XRCC4: variants seen among roughly 807,000 people sequenced by gnomAD.
XRCC4 encodes the protein X-ray repair cross complementing 4.
XRCC4 carries 28 observed loss-of-function variants against 39.1 expected under a neutral mutation model. The ratio of observed to expected loss-of-function variants is 0.72; its 90% CI spans 0.53 to 0.98. The LOEUF (loss-of-function observed/expected upper bound fraction) is 0.98, where lower values mean the gene tolerates loss of function less well. Ranked by LOEUF, XRCC4 falls within the 50% of genes least tolerant of loss-of-function variation. The probability of loss-of-function intolerance (pLI) is 0.00; values close to 1 mark genes in which losing one functional copy is unlikely to be tolerated. For synonymous variants in XRCC4, 123 were observed against 126.4 expected, an observed-to-expected ratio of 0.97 and a Z score of 0.18; for missense variants, 350 against 376.4, an observed-to-expected ratio of 0.93 and a Z score of 0.58.
At chr5:83,282,557 A>G (rs1158457934) in intron 7 of XRCC4, among the ~76,000 whole-genome samples, 4 of 152,066 alleles carry the variant, frequency 2.6e-5, no homozygotes, top group South Asian at 2.1e-4. Flanking sequence ...AAAAATAAAA[A>G]TTTGAGCCAG....
intron 1 of XRCC4, among the ~76,000 whole-genome samples, chr5:83,090,313 G>A (rs937510948): frequency 2.7e-5 from 4 of 147,154 alleles, no homozygotes; most frequent in Non-Finnish European, 6.0e-5. Flanking sequence ...TAAATCTCAC[G>A]AGATCTGATG....
intron 3 of XRCC4, among the ~76,000 whole-genome samples, chr5:83,113,589 G>A (rs1308555412): frequency 6.6e-6 from 1 of 151,924 alleles, no homozygotes; most frequent in Non-Finnish European, 1.5e-5. Context: ...TGCCCCTGCA[G>A]CAAACTTCTG....
At chr5:83,246,717 A>AT (rs1455100120) in intron 6 of XRCC4, among the ~76,000 whole-genome samples, 1 of 152,062 alleles carries the variant, frequency 6.6e-6, no homozygotes, top group Non-Finnish European at 1.5e-5. Flanking sequence ...GTCTTTTCTC[A>AT]TTTTTTTCCA....
chr5:83,321,101 T>C (rs1248831462), intron 7 of XRCC4, among the ~76,000 whole-genome samples: 1 of 152,086 alleles, frequency 6.6e-6, no homozygotes, highest in East Asian at 1.9e-4. Flanking sequence ...TAGCAAGTTA[T>C]GTACATTTCT....
chr5:83,194,028 G>A (rs538934462), intron 3 of XRCC4, among the ~76,000 whole-genome samples: 2 of 152,316 alleles, frequency 1.3e-5, no homozygotes, highest in South Asian at 4.1e-4. Flanking sequence ...GTGTCTCGCG[G>A]TTCAAGCGAT....
intron 6 of XRCC4, among the ~76,000 whole-genome samples, chr5:83,252,985 A>G (rs977606340): frequency 6.6e-6 from 1 of 152,206 alleles, no homozygotes; most frequent in Non-Finnish European, 1.5e-5. Context: ...GAAAGTAACA[A>G]TATAAGATTG....
intron 7 of XRCC4, among the ~76,000 whole-genome samples, chr5:83,336,920 AAGTTACCT>A (rs747959348): frequency 5.9e-5 from 9 of 152,206 alleles, no homozygotes; most frequent in Non-Finnish European, 1.0e-4. Context: ...TAAACAATTG[AAGTTACCT>A]CATAATGGAA....
intron 7 of XRCC4, among the ~76,000 whole-genome samples, chr5:83,302,371 CGAA>C (rs1561463556): frequency 6.6e-6 from 1 of 152,136 alleles, no homozygotes; most frequent in East Asian, 1.9e-4. Flanking sequence ...CTGCAGGTTG[CGAA>C]GAACATGGGA....
chr5:83,362,021 CT>C, the XRCC4 span, among the ~76,000 whole-genome samples: 1 of 151,994 alleles, frequency 6.6e-6, no homozygotes, highest in Non-Finnish European at 1.5e-5. Context: ...CTGCCTCTTT[CT>C]TTTGCTCATC....
chr5:83,228,222 A>G (rs1752363097), intron 6 of XRCC4, among the ~76,000 whole-genome samples: 1 of 152,082 alleles, frequency 6.6e-6, no homozygotes. Flanking sequence ...TATAAATAAC[A>G]TATAACAATC....
intron 3 of XRCC4, among the ~76,000 whole-genome samples, chr5:83,119,054 G>A (rs1285118598): frequency 1.3e-5 from 2 of 152,088 alleles, no homozygotes; most frequent in Admixed American, 6.5e-5. Context: ...TTTAATTGAC[G>A]TTTCTCAAAT....
chr5:83,145,353 A>G (rs1372182780), intron 3 of XRCC4, among the ~76,000 whole-genome samples: 1 of 152,212 alleles, frequency 6.6e-6, no homozygotes, highest in Non-Finnish European at 1.5e-5. Context: ...TAGATTTAAT[A>G]CTGAACATTG....
intron 7 of XRCC4, among the ~76,000 whole-genome samples, chr5:83,344,415 C>CTTTTTTT (rs70973394): frequency 2.8e-4 from 32 of 115,230 alleles, no homozygotes; most frequent in African/African-American, 8.4e-4. Flanking sequence ...TTATTTTTCA[C>CTTTTTTT]TTTTTTTTTT....
chr5:83,104,760 T>G, intron 1 of XRCC4, 150 bp from the exon 2 acceptor site: 1 of 572,604 alleles, frequency 1.7e-6, no homozygotes, highest in Non-Finnish European at 3.0e-6. Flanking sequence ...ATTTAATGGT[T>G]GAATCTAATG....
intron 7 of XRCC4, among the ~76,000 whole-genome samples, chr5:83,261,882 T>A (rs1580438865): frequency 6.6e-6 from 1 of 152,120 alleles, no homozygotes; most frequent in South Asian, 2.1e-4. Flanking sequence ...ATTCATTTTT[T>A]AAATTTAACT....
chr5:83,246,465 G>C lies in XRCC4; in HGVS notation c.746-12065G>C, dbSNP rs1194273566. Among the ~76,000 whole-genome samples, 4 of 152,028 alleles carry C rather than the reference G, an allele frequency of 2.6e-5. 1 individual carries two copies. Among genetic ancestry groups the C allele is most frequent in the African/African-American group, 9.7e-5 (4 of 41,440 alleles). On this transcript the variant is annotated intron_variant, in intron 6 of 7. Transcript: ENST00000396027. ...AACAAATCTGGCAACATTTTAGTCT[G>C]TTACTTTGTCCACATTTAATTAGAA...
In XRCC4 at chr5:83,123,462, G is replaced by A. The variant is rs955398652; in HGVS notation, c.315+12259G>A. 2.6e-5 allele frequency among the ~76,000 whole-genome samples: 4 copies of A among 151,674 alleles called. No individual in the cohort carries two copies. In the East Asian group the frequency reaches 7.7e-4, roughly 29 times the overall value. On this transcript the variant is annotated intron_variant, in intron 3 of 7. Transcript: ENST00000396027. ...TCTTTTAGGAAGTGTATAGTTGGGT[G>A]TTGTTTTTTTAATCCAGTCTATCAA... is the stretch of plus-strand genomic sequence containing the variant.
At chr5:83,157,786 G>A (rs1297737701) in intron 3 of XRCC4, among the ~76,000 whole-genome samples, 1 of 152,068 alleles carries the variant, frequency 6.6e-6, no homozygotes, top group Non-Finnish European at 1.5e-5. Context: ...AAGAAAATTT[G>A]ATGATCAATC....
chr5:83,081,274 C>T (rs1744928562), intron 1 of XRCC4, among the ~76,000 whole-genome samples: 1 of 152,120 alleles, frequency 6.6e-6, no homozygotes, highest in African/African-American at 2.4e-5. Context: ...TTTTACATTA[C>T]CTACCTTTTT....
Sources: allele counts gnomAD v4.1 joint callset (sites outside exome capture counted in the v4.1 genomes callset), GRCh38; gene constraint gnomAD v4.1.1; transcripts MANE v1.5; gene names NCBI Gene and HGNC (gene_info 2026-07-23, HGNC 2026-07-21).